Variants in ALCAM observed in about 807,000 individuals in gnomAD.
The protein encoded by ALCAM is CD166 antigen.
A neutral mutation model predicts 70.9 loss-of-function variants in ALCAM; 30 were observed. The observed-to-expected ratio is 0.42, with a 90% CI of 0.32 to 0.57. ALCAM has a LOEUF of 0.57. Ranked by LOEUF, ALCAM falls within the 20% of genes least tolerant of loss-of-function variation. ALCAM has a pLI of 0.11. For synonymous variants in ALCAM, 249 were observed against 242.5 expected (o/e 1.03, Z -0.25); for missense variants, 591 against 695.1 (o/e 0.85, Z 1.68).
intron 1 of ALCAM, among the ~76,000 whole-genome samples, chr3:105,503,035 A>G (rs55989563): frequency 6.6e-6 from 1 of 152,248 alleles, no homozygotes; most frequent in Non-Finnish European, 1.5e-5. Flanking sequence ...AAAGCTTAAG[A>G]AAACAAACAA....
At chr3:105,406,030 C>T (rs1936219856) in intron 1 of ALCAM, among the ~76,000 whole-genome samples, 1 of 152,098 alleles carries the variant, frequency 6.6e-6, no homozygotes. Context: ...TAAAGTTTTC[C>T]AGAGCTTATA....
chr3:105,481,980 T>C (rs185625114), intron 1 of ALCAM, among the ~76,000 whole-genome samples: 1 of 152,104 alleles, frequency 6.6e-6, no homozygotes, highest in Admixed American at 6.6e-5. Context: ...TCAACAAAAG[T>C]ATTATTTAAC....
intron 1 of ALCAM, 102 bp downstream of exon 1, chr3:105,367,583 C>G (rs144337771): frequency 7.2e-7 from 1 of 1,397,604 alleles, no homozygotes; most frequent in African/African-American, 1.4e-5. Context: ...CGCCCAGGCG[C>G]GTGGTGGAGG....
intron 1 of ALCAM, among the ~76,000 whole-genome samples, chr3:105,502,755 T>C (rs1465185259): frequency 6.6e-6 from 1 of 152,252 alleles, no homozygotes; most frequent in African/African-American, 2.4e-5. Flanking sequence ...TGAAATTCAC[T>C]AGTAACCAAA....
chr3:105,380,554 C>T (rs534704253), intron 1 of ALCAM, among the ~76,000 whole-genome samples: 15 of 151,678 alleles, frequency 9.9e-5, no homozygotes, highest in Non-Finnish European at 1.9e-4. Context: ...AATATGCACG[C>T]GCACTTGTAT....
At chr3:105,545,949 A>G (rs922053323) in intron 9 of ALCAM, among the ~76,000 whole-genome samples, 4 of 151,454 alleles carry the variant, frequency 2.6e-5, no homozygotes, top group Non-Finnish European at 4.4e-5. Context: ...GCTATAGTAG[A>G]ATACCTGGAA....
chr3:105,471,045 A>C (rs1235752909), intron 1 of ALCAM, among the ~76,000 whole-genome samples: 2 of 151,270 alleles, frequency 1.3e-5, no homozygotes, highest in East Asian at 3.9e-4. Context: ...CTTACACTCA[A>C]CTTCAACTGC....
At chr3:105,520,801 T>C (rs935492804) in intron 2 of ALCAM, among the ~76,000 whole-genome samples, 9 of 152,164 alleles carry the variant, frequency 5.9e-5, no homozygotes, top group African/African-American at 1.9e-4. Context: ...CTTTGAGTAA[T>C]AAAATGTCTC....
chr3:105,508,846 C>A (rs912267889), intron 1 of ALCAM, among the ~76,000 whole-genome samples: 1 of 152,010 alleles, frequency 6.6e-6, no homozygotes, highest in Non-Finnish European at 1.5e-5. Context: ...ACAGTTGTAA[C>A]TTTGTAGCCT....
At chr3:105,450,997 A>G (rs973066226) in intron 1 of ALCAM, among the ~76,000 whole-genome samples, 3 of 152,138 alleles carry the variant, frequency 2.0e-5, no homozygotes, top group African/African-American at 7.2e-5. Context: ...AAGTACACCC[A>G]AAGGAGGTAG....
At chr3:105,373,996 A>G (rs957709191) in intron 1 of ALCAM, among the ~76,000 whole-genome samples, 1 of 152,240 alleles carries the variant, frequency 6.6e-6, no homozygotes, top group Non-Finnish European at 1.5e-5. Context: ...GCACTTTAGT[A>G]GTATTAATGA....
chr3:105,555,730 T>C (rs1940500327), intron 14 of ALCAM, among the ~76,000 whole-genome samples: 1 of 135,098 alleles, frequency 7.4e-6, no homozygotes. Context: ...TAATAGAAGC[T>C]AAATATTTTT....
chr3:105,431,705 A>G (rs1936936041), intron 1 of ALCAM, among the ~76,000 whole-genome samples: 1 of 152,120 alleles, frequency 6.6e-6, no homozygotes, highest in African/African-American at 2.4e-5. Flanking sequence ...TATACAAAGG[A>G]ACGAGTCTAA....
At position 105,439,203 on chromosome 3, in the gene ALCAM, T is replaced by C. The variant is rs896228725; in HGVS notation, c.73+71722T>C. The C allele has an allele frequency of 3.0e-4, 46 of 152,316 alleles. 1 individual carries two copies. The highest frequency in any genetic ancestry group is 9.1e-4 in the African/African-American group (38 of 41,588). 9.4% of individuals were successfully genotyped at this position (152,316 alleles called of 1,614,324 possible). A position where few individuals can be genotyped will look rare whatever the true frequency, so the allele number is the denominator to read the frequency against. ...TCACTAGTCAGGATCCAAAGAACTT[T>C]AGAATCATTAATTGAGAGTGGGAAG... On this transcript the variant is annotated intron_variant, in intron 1 of 15. Coordinates refer to ENST00000306107, the MANE Select transcript of ALCAM (RefSeq NM_001627.4).
Position 105,574,704 on chromosome 3 carries a change from T to A in ALCAM, c.*253T>A, listed in dbSNP as rs1940924363. On this transcript the variant is annotated 3_prime_UTR_variant, in exon 16 of 16. Transcript: ENST00000306107. ...AGGTCATATGTTGTGTTTGGTTCAA[T>A]TTTTTTTCCGTAAATGTCTGCACTG... The A allele has an allele frequency of 6.6e-6, 1 of 152,496 alleles. No homozygotes were observed. Among genetic ancestry groups the A allele is most frequent in the Non-Finnish European group, 1.5e-5 (1 of 67,994 alleles). 9.4% of individuals were successfully genotyped at this position (152,496 alleles called of 1,614,324 possible).
At chr3:105,368,690 G>T (rs1398138022) in intron 1 of ALCAM, among the ~76,000 whole-genome samples, 1 of 152,116 alleles carries the variant, frequency 6.6e-6, no homozygotes, top group Non-Finnish European at 1.5e-5. Flanking sequence ...CGGGGAGAGG[G>T]GTTTGGGGGC....
chr3:105,538,433 G>A (rs1399517332), intron 6 of ALCAM, among the ~76,000 whole-genome samples: 1 of 152,114 alleles, frequency 6.6e-6, no homozygotes, highest in African/African-American at 2.4e-5. Context: ...TTAACTTTGA[G>A]GTAAACACGT....
At chr3:105,497,053 A>C (rs1490475685) in intron 1 of ALCAM, among the ~76,000 whole-genome samples, 1 of 152,154 alleles carries the variant, frequency 6.6e-6, no homozygotes, top group Non-Finnish European at 1.5e-5. Context: ...GAATCTAATC[A>C]ATGCAGAATA....
chr3:105,574,651 A>G lies in ALCAM; in HGVS notation c.*200A>G, dbSNP rs1940923657. 6.6e-6 allele frequency: 1 copy of G among 152,604 alleles called. No individual in the cohort carries two copies. The highest frequency in any genetic ancestry group is 1.5e-5 in the Non-Finnish European group (1 of 68,030). The allele number at this position is 152,604 out of a possible 1,614,324, so 9.5% of individuals were successfully genotyped here. On this transcript the variant is annotated 3_prime_UTR_variant, in exon 16 of 16. Coordinates refer to ENST00000306107, the MANE Select transcript of ALCAM (RefSeq NM_001627.4). ...CAAATGAAATTTAATTACAAACAAT[A>G]AGAACAAGTTTTGGCAGCCATGATA...
Sources: allele counts gnomAD v4.1 joint callset (sites outside exome capture counted in the v4.1 genomes callset), GRCh38; gene constraint gnomAD v4.1.1; transcripts MANE v1.5; gene names NCBI Gene and HGNC (gene_info 2026-07-23, HGNC 2026-07-21).